EME1: variants seen among roughly 807,000 people sequenced by gnomAD.
EME1 encodes structure-specific endonuclease subunit EME1.
In EME1, 61 loss-of-function variants were observed where a neutral mutation model predicts 59.1. The ratio of observed to expected loss-of-function variants is 1.03; its 90% CI spans 0.84 to 1.28. EME1 has a LOEUF of 1.28. EME1 is among the 50% of genes most tolerant of loss of function. EME1 has a pLI of 0.00. For synonymous variants in EME1, 230 were observed against 254.2 expected, an observed-to-expected ratio of 0.90 and a Z score of 0.90; for missense variants, 635 against 682.6, an observed-to-expected ratio of 0.93 and a Z score of 0.78.
chr17:50,380,918 C>A lies in EME1; in HGVS notation c.1692C>A (p.Leu564=), dbSNP rs1403895595. The A allele has an allele frequency of 6.2e-7, 1 of 1,614,094 alleles. No homozygotes were observed. Among genetic ancestry groups the A allele is most frequent in the African/African-American group, 1.3e-5 (1 of 74,918 alleles). ...AGATGACCACTTTACAGCCACATCT[C>A]TCTTTAGATAGTGCTGACTGATTCT... ...YLQMTTLQPH[L]SLDSAD Residue 564 remains leucine (L), a synonymous_variant, in exon 9 of 9, where the codon CTC becomes CTA. Transcript: ENST00000338165.
In EME1 at chr17:50,375,551, T is replaced by G; in HGVS notation, c.343T>G (p.Ser115Ala). Residue 115 changes from serine (S) to alanine (A), a missense_variant, in exon 2 of 9, where the codon TCT becomes GCT. Ser to Ala is a moderately conservative substitution (Grantham distance 99, BLOSUM62 1). Coordinates refer to ENST00000338165, the MANE Select transcript of EME1 (RefSeq NM_152463.4). ...LTHKQLSPED[S>A]SSPVKSVLDH... is the part of the protein sequence containing the mutation. ...CCACAAGCAACTGAGCCCTGAGGAC[T>G]CTAGCTCCCCAGTTAAAAGTGTTTT... 1 of 1,614,218 alleles carries G rather than the reference T, an allele frequency of 6.2e-7. No individual in the cohort carries two copies. Among genetic ancestry groups the G allele is most frequent in the South Asian group, 1.1e-5 (1 of 91,090 alleles).
At chr17:50,373,305 GA>G in intron 1 of EME1, 28 bp downstream of exon 1, 3 of 1,222,724 alleles carry the variant, frequency 2.5e-6, no homozygotes, top group Non-Finnish European at 3.5e-6. Context: ...CAGGCCTGCG[GA>G]TTGGGCAGGG....
At position 50,375,871 on chromosome 17, in the gene EME1, G is replaced by C. The variant is rs1472163402; in HGVS notation, c.663G>C (p.Gln221His). 3 of 1,614,176 alleles carry C rather than the reference G, an allele frequency of 1.9e-6. No individual in the cohort carries two copies. The highest frequency in any genetic ancestry group is 2.5e-6 in the Non-Finnish European group (3 of 1,180,030). Residue 221 changes from glutamine (Q) to histidine (H), a missense_variant, in exon 2 of 9, where the codon CAG (glutamine) becomes CAC (histidine). Physicochemically the swap from Gln to His is conservative, Grantham distance 24. Coordinates refer to ENST00000338165, the MANE Select transcript of EME1 (RefSeq NM_152463.4). ...HGCRQQRQAR[Q>H]KESTLRRQER... ...GCCGGCAGCAGAGACAAGCAAGGCAGAAGGAAAGCACCCTGAGAAGACAGG... is the reference window on the plus strand; with the variant it reads ...GCCGGCAGCAGAGACAAGCAAGGCACAAGGAAAGCACCCTGAGAAGACAGG...
intron 7 of EME1, 188 bp downstream of exon 7, chr17:50,379,755 A>G (rs1913692683): frequency 1.7e-6 from 1 of 580,590 alleles, no homozygotes; most frequent in Non-Finnish European, 3.1e-6. Context: ...CGCCTTTTCA[A>G]ATATTCTCCT....
At chr17:50,376,545 CCT>C (rs1913481597) in intron 3 of EME1, among the ~76,000 whole-genome samples, 2 of 152,168 alleles carry the variant, frequency 1.3e-5, no homozygotes, top group Admixed American at 6.5e-5. Context: ...CTAATGTACC[CCT>C]CTCAGTCATG....
chr17:50,375,088 A>G (rs987989093), intron 1 of EME1, 97 bp from the exon 2 acceptor site: 1 of 919,792 alleles, frequency 1.1e-6, no homozygotes. Flanking sequence ...TGTATTCTCT[A>G]TATCTTATAT....
At chr17:50,379,781 G>A in intron 7 of EME1, 1 of 538,554 alleles carries the variant, frequency 1.9e-6, no homozygotes, top group Admixed American at 3.1e-5. Context: ...CTATATGTAA[G>A]TATGTGTTCT....
At chr17:50,379,078 CT>C in intron 5 of EME1, 28 bp from the exon 6 acceptor site, 1 of 1,614,162 alleles carries the variant, frequency 6.2e-7, no homozygotes, top group Non-Finnish European at 8.5e-7. Flanking sequence ...CCTGGAGCTG[CT>C]GTTCTTTGAT....
intron 8 of EME1, 129 bp downstream of exon 8, chr17:50,380,630 C>G (rs1461971034): frequency 5.9e-6 from 9 of 1,526,610 alleles, no homozygotes; most frequent in East Asian, 4.5e-5. Flanking sequence ...CTACTAAGAT[C>G]AGTGTTGCTA....
intron 3 of EME1, 85 bp downstream of exon 3, chr17:50,376,278 T>C (rs1913468635): frequency 3.2e-6 from 5 of 1,559,814 alleles, no homozygotes; most frequent in African/African-American, 2.7e-5. Context: ...AGGATACTTA[T>C]CAGGGCCCCA....
Position 50,378,899 on chromosome 17 carries a change from T to C in EME1, c.1112+4T>C. ...TGGATCAGGAGAAATGCTTCAGGTT[T>C]GGATTTGCCCTGGTGATTTCATGTT... On this transcript the variant is annotated splice_donor_region_variant and intron_variant, in intron 5 of 8. Transcript: ENST00000338165. The C allele has an allele frequency of 6.2e-7, 1 of 1,614,222 alleles. No homozygotes were observed. The highest frequency in any genetic ancestry group is 8.5e-7 in the Non-Finnish European group (1 of 1,180,036).
At chr17:50,379,695 A>G (rs1243932594) in intron 7 of EME1, 128 bp downstream of exon 7, 1 of 787,384 alleles carries the variant, frequency 1.3e-6, no homozygotes, top group East Asian at 2.7e-5. Flanking sequence ...CTTGAGGCAG[A>G]AGGAGCTGAC....
chr17:50,379,197 C>T lies in EME1; in HGVS notation c.1203C>T (p.Ser401=). ...QQRQPEASIG[S]MVSRVDAEEA... is the part of the protein sequence containing the mutation. ...GACAACCAGAGGCCAGCATAGGGTC[C>T]ATGGTATCCAGGGTAGACGCTGAAG... The change falls in exon 6 of 9, where the codon TCC becomes TCT. Residue 401 remains serine (S), a synonymous_variant. Transcript: ENST00000338165. 2 of 1,614,178 alleles carry T rather than the reference C, an allele frequency of 1.2e-6. No individual in the cohort carries two copies. The highest frequency in any genetic ancestry group is 1.7e-6 in the Non-Finnish European group (2 of 1,180,036).
chr17:50,379,741 C>T (rs747250578), intron 7 of EME1, 174 bp downstream of exon 7: 6 of 600,056 alleles, frequency 1.0e-5, no homozygotes, highest in Non-Finnish European at 1.8e-5. Context: ...GTCCTCAAGC[C>T]TAGCGCCTTT....
rs745667453 is a variant in EME1, at chr17:50,379,126, A to G, written c.1132A>G (p.Arg378Gly). ...CACCAGTGCTCAGAATCCTCCAAGAAGAGGGAAACAGGGAGCAAATAAACA... is the reference window on the plus strand; with the variant it reads ...CACCAGTGCTCAGAATCCTCCAAGAGGAGGGAAACAGGGAGCAAATAAACA... ...KCFSAQNPPRRGKQGANKQTK... is the reference protein window; with the variant it reads ...KCFSAQNPPRGGKQGANKQTK... Residue 378 changes from arginine to glycine, a missense_variant, in exon 6 of 9, where the codon AGA becomes GGA. Arg to Gly is a moderately radical substitution (Grantham distance 125). Coordinates refer to ENST00000338165, the MANE Select transcript of EME1 (RefSeq NM_152463.4). 17 of 1,613,974 alleles carry G rather than the reference A, an allele frequency of 1.1e-5. No homozygotes were observed. In the South Asian group the frequency reaches 1.3e-4, roughly 13 times the overall value.
In EME1 at chr17:50,376,178, G is replaced by T. The variant is rs1450736780; in HGVS notation, c.888G>T (p.Arg296Ser). The T allele has an allele frequency of 6.2e-7, 1 of 1,613,352 alleles. No homozygotes were observed. Residue 296 changes from arginine (R) to serine (S), a missense_variant, in exon 3 of 9, where the codon AGG (arginine) becomes AGT (serine). By Grantham distance (110) the Arg-to-Ser change is moderately radical (BLOSUM62 -1). Transcript: ENST00000338165. ...AVPCSVTWRR[R>S]AGPSEDREDW... ...CTTGCAGTGTCACTTGGAGGAGAAG[G>T]GCTGGGCCGTCTGAGGTAGGAGTTT... is the stretch of plus-strand genomic sequence containing the variant.
chr17:50,378,500 G>A (rs1913591136), intron 3 of EME1, 95 bp from the exon 4 acceptor site: 2 of 1,164,050 alleles, frequency 1.7e-6, no homozygotes, highest in Admixed American at 3.4e-5. Context: ...AGGGGTGGGA[G>A]TTAGTTCATT....
chr17:50,373,391 C>T (rs1913262654), intron 1 of EME1, 114 bp downstream of exon 1: 2 of 614,698 alleles, frequency 3.3e-6, no homozygotes, highest in Non-Finnish European at 2.8e-6. Context: ...GACCGCCAGC[C>T]TGAGAGGCGC....
intron 3 of EME1, among the ~76,000 whole-genome samples, chr17:50,377,616 G>A (rs982607556): frequency 6.6e-6 from 1 of 152,184 alleles, no homozygotes; most frequent in South Asian, 2.1e-4. Flanking sequence ...CTATCTGTTT[G>A]TAAGGACCAC....
Sources: gnomAD v4.1 joint callset for allele counts (sites outside exome capture counted in the v4.1 genomes callset) on GRCh38, gnomAD v4.1.1 for gene constraint, MANE v1.5 for transcripts, NCBI Gene and HGNC (gene_info 2026-07-23, HGNC 2026-07-21) for gene names.